Variants in MSI2 observed in about 807,000 individuals in gnomAD.
The protein encoded by MSI2 is RNA-binding protein Musashi homolog 2.
Under a neutral mutation model 45.6 loss-of-function variants are expected in MSI2, and 17 were observed. That is an observed-to-expected ratio of 0.37 (90% CI 0.26 to 0.56). The LOEUF (loss-of-function observed/expected upper bound fraction) is 0.56, where lower values mean the gene tolerates loss of function less well. MSI2 is among the 20% of genes least tolerant of loss of function. The probability of loss-of-function intolerance (pLI) is 0.77; values close to 1 mark genes in which losing one functional copy is unlikely to be tolerated. For missense variants in MSI2, 293 were observed against 444.2 expected, an observed-to-expected ratio of 0.66 and a Z score of 3.06; for synonymous variants, 156 against 158.2, an observed-to-expected ratio of 0.99 and a Z score of 0.11.
rs116444518 is a variant in MSI2, at chr17:57,370,401, G to A, written c.313-30978G>A. On this transcript the variant is annotated intron_variant, in intron 5 of 13. Coordinates refer to ENST00000284073, the MANE Select transcript of MSI2 (RefSeq NM_138962.4). ...CCATTCTGTTTTGCAATATCACAGA[G>A]TCCTGGTAGCAAGAAAGGGCCCTTT... Among the ~76,000 whole-genome samples the A allele has an allele frequency of 3.7e-3, 561 of 152,304 alleles. 3 individuals are homozygous for A. Among genetic ancestry groups the A allele is most frequent in the Middle Eastern group, 0.034 (10 of 294 alleles).
intron 5 of MSI2, among the ~76,000 whole-genome samples, chr17:57,311,985 A>G (rs755034868): frequency 1.3e-5 from 2 of 152,198 alleles, no homozygotes; most frequent in Non-Finnish European, 2.9e-5. Context: ...GGCGTGAGCT[A>G]TGGCATCCGG....
rs1053757836 is a variant in MSI2, at chr17:57,529,830, A to G, written c.454+106A>G. The G allele has an allele frequency of 3.4e-5, 31 of 908,582 alleles. No individual in the cohort carries two copies. The highest frequency in any genetic ancestry group is 9.9e-5 in the Admixed American group (4 of 40,536). 56.3% of individuals were successfully genotyped at this position (908,582 alleles called of 1,614,324 possible). On this transcript the variant is annotated intron_variant, in intron 7 of 13. Coordinates refer to ENST00000284073, the MANE Select transcript of MSI2 (RefSeq NM_138962.4). This position sits in a 1 kb window ranked among gnomAD's most constrained non-coding sequence, Gnocchi z 5.3. ...AGATACAGTGAAGAGTCCAGAGTCA[A>G]GCAGGTAGAGGTGACCATCCATTGA...
chr17:57,478,527 G>A (rs11659121), intron 6 of MSI2, among the ~76,000 whole-genome samples: 10,243 of 152,152 alleles, frequency 0.067, 487 homozygotes, highest in Middle Eastern at 0.11. Flanking sequence ...CTATCTCCCC[G>A]ACAAAACCAA....
chr17:57,261,808 C>T (rs933951536), intron 4 of MSI2, among the ~76,000 whole-genome samples: 9 of 152,162 alleles, frequency 5.9e-5, no homozygotes, highest in East Asian at 3.8e-4. Context: ...CTCCCAGCCA[C>T]GCATAGCAAA....
rs537679208 is a variant in MSI2 at position 57,653,754 on chromosome 17, C to T, written c.790+1593C>T. Among the ~76,000 whole-genome samples, 16 of 152,210 alleles carry T rather than the reference C, an allele frequency of 1.1e-4. No individual in the cohort carries two copies. The South Asian group carries it at 3.3e-3, about 32-fold the overall frequency. ...ACCCTGCCTCTCTCCCCACCCCACC[C>T]CGTTCTCCTTGACTTCATGGCAAGT... On this transcript the variant is annotated intron_variant, in intron 11 of 13. Transcript: ENST00000284073.
chr17:57,502,127 G>T (rs1018718788), intron 6 of MSI2, among the ~76,000 whole-genome samples: 9 of 152,170 alleles, frequency 5.9e-5, no homozygotes, highest in African/African-American at 1.9e-4. Flanking sequence ...CTCTAGGAAG[G>T]AGACCCCAGG....
chr17:57,438,391 C>T (rs1386404531), intron 6 of MSI2, among the ~76,000 whole-genome samples: 1 of 152,144 alleles, frequency 6.6e-6, no homozygotes, highest in African/African-American at 2.4e-5. Context: ...TAAATTGTTA[C>T]CTGTGCCCTT....
At chr17:57,331,525 C>A (rs1914275420) in intron 5 of MSI2, among the ~76,000 whole-genome samples, 1 of 152,200 alleles carries the variant, frequency 6.6e-6, no homozygotes, top group Non-Finnish European at 1.5e-5. Flanking sequence ...GGTTGATCAT[C>A]TGAATAGCTG....
At chr17:57,528,114 C>T (rs917364575) in intron 6 of MSI2, among the ~76,000 whole-genome samples, 1 of 151,248 alleles carries the variant, frequency 6.6e-6, no homozygotes, top group Admixed American at 6.6e-5. Context: ...CCTACAGCCA[C>T]ACGGACTGGG....
intron 9 of MSI2, among the ~76,000 whole-genome samples, chr17:57,624,280 A>G (rs994129380): frequency 1.3e-5 from 2 of 152,138 alleles, no homozygotes; most frequent in Non-Finnish European, 2.9e-5. Flanking sequence ...GCCATTTTTC[A>G]TCTGGAAAGC....
intron 6 of MSI2, among the ~76,000 whole-genome samples, chr17:57,445,665 G>T (rs1729106898): frequency 6.6e-6 from 1 of 152,126 alleles, no homozygotes. Flanking sequence ...CAATGTTTTA[G>T]TGAGGAAAAT....
intron 9 of MSI2, among the ~76,000 whole-genome samples, chr17:57,624,071 C>G (rs1018061793): frequency 4.6e-5 from 7 of 152,166 alleles, no homozygotes; most frequent in Non-Finnish European, 1.0e-4. Context: ...TTTCTTCTTT[C>G]TCGTTGAAGC....
chr17:57,648,259 C>A (rs1336183010), intron 10 of MSI2, among the ~76,000 whole-genome samples: 1 of 151,944 alleles, frequency 6.6e-6, no homozygotes, highest in Non-Finnish European at 1.5e-5. Context: ...CCACCTTGGC[C>A]TCCCAAAGTG....
At chr17:57,501,140 C>T (rs2086097418) in intron 6 of MSI2, among the ~76,000 whole-genome samples, 1 of 152,154 alleles carries the variant, frequency 6.6e-6, no homozygotes, top group Non-Finnish European at 1.5e-5. Context: ...GTCGCTCACC[C>T]AAGATCGCCG....
chr17:57,291,361 G>A (rs577034424), intron 5 of MSI2, among the ~76,000 whole-genome samples: 43 of 152,214 alleles, frequency 2.8e-4, no homozygotes, highest in African/African-American at 7.5e-4. Flanking sequence ...CTATTCTTCC[G>A]TATAGCAGAG....
chr17:57,601,270 C>T (rs1289728634), intron 8 of MSI2: 1 of 152,226 alleles, frequency 6.6e-6, no homozygotes, highest in Non-Finnish European at 1.5e-5. Context: ...AGATAAGTGA[C>T]GAGCATGGGT....
chr17:57,388,979 TTC>T (rs1205871154), intron 5 of MSI2, among the ~76,000 whole-genome samples: 163 of 127,534 alleles, frequency 1.3e-3, no homozygotes, highest in Non-Finnish European at 2.1e-3. Context: ...CTTCTTCTTC[TTC>T]TTTTTTTTTT....
chr17:57,694,913 C>G, the MSI2 span, among the ~76,000 whole-genome samples: 1 of 152,208 alleles, frequency 6.6e-6, no homozygotes, highest in Non-Finnish European at 1.5e-5. Context: ...TAATTAATAA[C>G]TCATGCAATG....
At chr17:57,410,207 G>T (rs1182594023) in intron 6 of MSI2, among the ~76,000 whole-genome samples, 7 of 151,448 alleles carry the variant, frequency 4.6e-5, no homozygotes, top group Non-Finnish European at 7.4e-5. Flanking sequence ...CCTTCAAGCG[G>T]AGTCTGGAGA....
Sources: allele counts gnomAD v4.1 joint callset (sites outside exome capture counted in the v4.1 genomes callset), GRCh38; gene constraint gnomAD v4.1.1; non-coding constraint Gnocchi (gnomAD v3.1); transcripts MANE v1.5; gene names NCBI Gene and HGNC (gene_info 2026-07-23, HGNC 2026-07-21).